Variants in CCT4 observed in about 807,000 individuals in gnomAD.
The protein encoded by CCT4 is T-complex protein 1 subunit delta.
Under a neutral mutation model 62.5 loss-of-function variants are expected in CCT4, and 17 were observed. That is an observed-to-expected ratio of 0.27 (90% CI 0.19 to 0.41). The LOEUF is 0.41. CCT4 is among the 10% of genes least tolerant of loss of function. CCT4 has a pLI of 1.00. For missense variants in CCT4, 592 were observed against 659.2 expected (o/e 0.90, Z 1.12); for synonymous variants, 250 against 229.9 (o/e 1.09, Z -0.79).
chr2:61,873,633 T>C (rs1668932753), intron 8 of CCT4, among the ~76,000 whole-genome samples: 1 of 152,168 alleles, frequency 6.6e-6, no homozygotes, highest in Admixed American at 6.5e-5. Context: ...TGGCACGATC[T>C]TGGCTCACTG....
chr2:61,886,566 C>A (rs1325969683), intron 1 of CCT4, among the ~76,000 whole-genome samples: 1 of 152,190 alleles, frequency 6.6e-6, no homozygotes, highest in East Asian at 1.9e-4. Flanking sequence ...CAAGGCAGGC[C>A]GTCACTTGAG....
intron 4 of CCT4, 70 bp from the exon 5 acceptor site, chr2:61,879,081 T>G (rs1422871248): frequency 1.4e-5 from 17 of 1,197,426 alleles, no homozygotes; most frequent in Non-Finnish European, 1.9e-5. Flanking sequence ...GCTTAAAAAT[T>G]TTCTACTCAA....
chr2:61,868,791 A>T, intron 13 of CCT4, 85 bp from the exon 14 acceptor site: 1 of 967,948 alleles, frequency 1.0e-6, no homozygotes, highest in East Asian at 2.4e-5. Context: ...AATAAAAGGA[A>T]AACCTGTATT....
In CCT4 at chr2:61,875,045, G is replaced by T. The variant is rs569933851; in HGVS notation, c.917+1050C>A. Among the ~76,000 whole-genome samples the T allele has an allele frequency of 1.2e-4, 19 of 152,186 alleles. No individual in the cohort carries two copies. The South Asian group carries it at 3.7e-3, about 30-fold the overall frequency. ...TAATCCCAACTACTCGGGAGGCTGA[G>T]GCAGGAGACTTGCGTGAACCCAGGA... On this transcript the variant is annotated intron_variant, in intron 8 of 13. Coordinates refer to ENST00000394440, the MANE Select transcript of CCT4 (RefSeq NM_006430.4).
intron 10 of CCT4, among the ~76,000 whole-genome samples, 183 bp from the exon 11 acceptor site, chr2:61,872,771 C>T (rs1051271819): frequency 6.6e-6 from 1 of 152,014 alleles, no homozygotes; most frequent in South Asian, 2.1e-4. Context: ...ACTAAAAATA[C>T]AAAAAATTAG....
At chr2:61,881,476 GT>G (rs1669114773) in intron 3 of CCT4, among the ~76,000 whole-genome samples, 1 of 152,030 alleles carries the variant, frequency 6.6e-6, no homozygotes, top group Admixed American at 6.6e-5. Context: ...TTGACACCAG[GT>G]TTATGTTTTT....
In CCT4 at chr2:61,873,198, T is replaced by A; in HGVS notation, c.1013A>T (p.Lys338Met). The A allele has an allele frequency of 6.8e-7, 1 of 1,462,952 alleles. No homozygotes were observed. Among genetic ancestry groups the A allele is most frequent in the Non-Finnish European group, 9.6e-7 (1 of 1,042,864 alleles). 90.6% of individuals were successfully genotyped at this position (1,462,952 alleles called of 1,614,324 possible). A position where few individuals can be genotyped will look rare whatever the true frequency, so the allele number is the denominator to read the frequency against. Residue 338 changes from lysine (K) to methionine (M), a missense_variant and splice_region_variant, in exon 9 of 14, where the codon AAG becomes ATG. Transcript: ENST00000394440. ...IEREDIEFIC[K>M]TIGTKPVAHI... ...CAAATACAGATGTTAATGTTTTACC[T>A]TACAAATGAATTCAATGTCTTCTCT...
In CCT4 at chr2:61,872,442, G is replaced by GT. The variant is rs1408546802; in HGVS notation, c.1256+15dup. ...AATGTTCAAAATGTTACTTAATAATGTAACACTGACATTACCTCTTCTTCA... is the reference window on the plus strand; with the variant it reads ...AATGTTCAAAATGTTACTTAATAATGTTAACACTGACATTACCTCTTCTTCA... On this transcript the variant is annotated intron_variant, in intron 11 of 13. Transcript: ENST00000394440. 6.3e-7 allele frequency: 1 copy of GT among 1,594,842 alleles called. No homozygotes were observed. The highest frequency in any genetic ancestry group is 1.3e-5 in the African/African-American group (1 of 74,306).
chr2:61,872,354 A>G (rs777379828), intron 11 of CCT4, 38 bp from the exon 12 acceptor site: 9 of 1,472,202 alleles, frequency 6.1e-6, no homozygotes, highest in African/African-American at 4.3e-5. Context: ...TATTTTATCC[A>G]AAAGAAAATT....
chr2:61,888,360 G>T, intron 1 of CCT4, 21 bp downstream of exon 1: 1 of 1,606,402 alleles, frequency 6.2e-7, no homozygotes, highest in Non-Finnish European at 8.5e-7. Context: ...GGCGCCGCGG[G>T]TCAGGCCATG....
At chr2:61,873,628 C>T (rs1240890468) in intron 8 of CCT4, among the ~76,000 whole-genome samples, 3 of 151,990 alleles carry the variant, frequency 2.0e-5, no homozygotes, top group Non-Finnish European at 4.4e-5. Context: ...TGCAATGGCA[C>T]GATCTTGGCT....
intron 4 of CCT4, among the ~76,000 whole-genome samples, chr2:61,879,440 T>C (rs970349990): frequency 1.4e-4 from 9 of 66,520 alleles, no homozygotes; most frequent in African/African-American, 6.1e-4. Context: ...TTTTTTTGTA[T>C]TTTTTTTTTT....
Position 61,876,938 on chromosome 2 carries a change from T to G in CCT4, c.759A>C (p.Leu253Phe). Residue 253 changes from leucine (L) to phenylalanine (F), a missense_variant, in exon 7 of 14, where the codon TTA becomes TTC. Physicochemically the swap from Leu to Phe is conservative, Grantham distance 22 (BLOSUM62 0). Around this residue, in one of 3 missense-constraint regions of CCT4, gnomAD observed 522 missense variants for 571.2 expected, o/e 0.91. Coordinates refer to ENST00000394440, the MANE Select transcript of CCT4 (RefSeq NM_006430.4). ...KAKIGLIQFCLSAPKTDMDNQ... is the reference protein window; with the variant it reads ...KAKIGLIQFCFSAPKTDMDNQ... Reference sequence around the variant, plus strand: ...TACTTACGTCTGTTTTGGGAGCAGATAAGCAAAACTGAATAAGCCCAATCT... The same window carrying G: ...TACTTACGTCTGTTTTGGGAGCAGAGAAGCAAAACTGAATAAGCCCAATCT... 9 of 1,612,376 alleles carry G rather than the reference T, an allele frequency of 5.6e-6. No homozygotes were observed. Among genetic ancestry groups the G allele is most frequent in the Non-Finnish European group, 7.6e-6 (9 of 1,179,476 alleles).
intron 2 of CCT4, among the ~76,000 whole-genome samples, chr2:61,884,070 T>A (rs1014707841): frequency 6.8e-6 from 1 of 147,712 alleles, no homozygotes; most frequent in African/African-American, 2.6e-5. Context: ...TCCATATTGT[T>A]TTATCTCACA....
chr2:61,882,813 T>C (rs1349614492), intron 3 of CCT4, among the ~76,000 whole-genome samples: 1 of 151,984 alleles, frequency 6.6e-6, no homozygotes. Context: ...GCCCAGCTTT[T>C]TTTTTTTTTT....
chr2:61,872,219 G>A lies in CCT4; in HGVS notation c.1354C>T (p.Arg452Cys), dbSNP rs148035708. The part of the protein sequence containing the change: ...TLSGMESYCV[R>C]AFADAMEVIP... ...ACCTCCATAGCATCTGCAAAAGCACGAACGCAGTAGGATTCCATACCACTC... is the reference window on the plus strand; with the variant it reads ...ACCTCCATAGCATCTGCAAAAGCACAAACGCAGTAGGATTCCATACCACTC... Residue 452 changes from arginine to cysteine, a missense_variant, in exon 12 of 14, where the codon CGT becomes TGT. Physicochemically the swap from Arg to Cys is radical, Grantham distance 180. Around this residue, in one of 3 missense-constraint regions of CCT4, gnomAD observed 522 missense variants for 571.2 expected, o/e 0.91. Transcript: ENST00000394440. The A allele has an allele frequency of 1.9e-6, 3 of 1,613,634 alleles. No individual in the cohort carries two copies. The highest frequency in any genetic ancestry group is 2.7e-5 in the African/African-American group (2 of 74,890).
chr2:61,870,908 T>G (rs896759478), intron 12 of CCT4, among the ~76,000 whole-genome samples: 1 of 151,568 alleles, frequency 6.6e-6, no homozygotes, highest in Non-Finnish European at 1.5e-5. Flanking sequence ...CAGAGCAAGA[T>G]TCCGTCTCCA....
At position 61,872,492 on chromosome 2, in the gene CCT4, C is replaced by A. The variant is rs765124611; in HGVS notation, c.1222G>T (p.Ala408Ser). 31 of 1,613,762 alleles carry A rather than the reference C, an allele frequency of 1.9e-5. No individual in the cohort carries two copies. The highest frequency in any genetic ancestry group is 2.4e-5 in the Non-Finnish European group (28 of 1,179,768). Residue 408 changes from alanine (A) to serine (S), a missense_variant, in exon 11 of 14, where the codon GCC (alanine) becomes TCC (serine). Physicochemically the swap from Ala to Ser is moderately conservative, Grantham distance 99 (BLOSUM62 1). This residue lies in a region of CCT4 where 522 missense variants were observed against 571.2 expected (regional missense o/e 0.91). Transcript: ENST00000394440. Reference protein sequence around the residue: ...IEEAERSIHDALCVIRCLVKK... With the variant: ...IEEAERSIHDSLCVIRCLVKK... Reference sequence around the variant, plus strand: ...ACTAAACAACGAATAACACATAGGGCATCATGAATGGAGCGCTCAGCTTCT... The same window carrying A: ...ACTAAACAACGAATAACACATAGGGAATCATGAATGGAGCGCTCAGCTTCT...
Position 61,872,549 on chromosome 2 carries a change from C to T in CCT4, c.1165G>A (p.Val389Ile). The change falls in exon 11 of 14, where the codon GTT (valine) becomes ATT (isoleucine). Residue 389 changes from valine to isoleucine, a missense_variant. Transcript: ENST00000394440. ...CASPGKTVTI[V>I]VRGSNKLVIE... ...ACCAGTTTGTTAGAACCACGAACAACAATTGTAACTGTTTTTCCAGGGCTG... is the reference window on the plus strand; with the variant it reads ...ACCAGTTTGTTAGAACCACGAACAATAATTGTAACTGTTTTTCCAGGGCTG... 6.2e-7 allele frequency: 1 copy of T among 1,614,046 alleles called. No individual in the cohort carries two copies. Among genetic ancestry groups the T allele is most frequent in the Non-Finnish European group, 8.5e-7 (1 of 1,179,894 alleles).
Sources: allele counts gnomAD v4.1 joint callset (sites outside exome capture counted in the v4.1 genomes callset), GRCh38; gene constraint gnomAD v4.1.1; regional missense constraint gnomAD v4.1.1; transcripts MANE v1.5; gene names NCBI Gene and HGNC (gene_info 2026-07-23, HGNC 2026-07-21).